The following ADCY10 variants were observed in gnomAD, a reference collection of about 807,000 sequenced individuals.
ADCY10 encodes the protein adenylate cyclase 10.
ADCY10 carries 156 observed loss-of-function variants against 183.3 expected under a neutral mutation model. That is an observed-to-expected ratio of 0.85 (90% CI 0.75 to 0.97). The LOEUF (loss-of-function observed/expected upper bound fraction) is 0.97, where lower values mean the gene tolerates loss of function less well. Ranked by LOEUF, ADCY10 falls within the 50% of genes least tolerant of loss-of-function variation. The pLI is 0.00. For synonymous variants in ADCY10, 645 were observed against 670.0 expected (o/e 0.96, Z 0.58); for missense variants, 1,745 against 1,934.3 (o/e 0.90, Z 1.84).
intron 14 of ADCY10, 81 bp downstream of exon 14, chr1:167,870,176 C>T: frequency 1.3e-6 from 2 of 1,495,226 alleles, no homozygotes; most frequent in Non-Finnish European, 1.9e-6. Flanking sequence ...TTACATAAGG[C>T]AAGTTATAGG....
At chr1:167,912,923 T>C (rs1288045332) in intron 1 of ADCY10, among the ~76,000 whole-genome samples, 1 of 152,250 alleles carries the variant, frequency 6.6e-6, no homozygotes, top group Non-Finnish European at 1.5e-5. Context: ...AAAGCTGGAA[T>C]ATCCAGGTCT....
At chr1:167,865,883 C>G (rs1284196045) in intron 14 of ADCY10, among the ~76,000 whole-genome samples, 1 of 152,190 alleles carries the variant, frequency 6.6e-6, no homozygotes, top group Non-Finnish European at 1.5e-5. Flanking sequence ...CATGGTAGCT[C>G]TTTTCCAGGA....
intron 15 of ADCY10, 58 bp downstream of exon 15, chr1:167,860,813 A>G: frequency 7.2e-7 from 1 of 1,395,186 alleles, no homozygotes; most frequent in Admixed American, 1.7e-5. Flanking sequence ...TGCACCAGAG[A>G]GGAGTTGCTG....
At chr1:167,836,195 G>C in intron 23 of ADCY10, 114 bp downstream of exon 23, 1 of 740,914 alleles carries the variant, frequency 1.3e-6, no homozygotes, top group Non-Finnish European at 2.5e-6. Flanking sequence ...GGAAAGGGGT[G>C]CTGTCGGGAA....
chr1:167,831,195 CT>C (rs1663702270), intron 25 of ADCY10, among the ~76,000 whole-genome samples: 1 of 147,528 alleles, frequency 6.8e-6, no homozygotes, highest in South Asian at 2.2e-4. Context: ...AAATCTCTCT[CT>C]CTTTTTTTTT....
intron 14 of ADCY10, among the ~76,000 whole-genome samples, chr1:167,862,607 C>A (rs1571333997): frequency 6.6e-6 from 1 of 152,000 alleles, no homozygotes; most frequent in African/African-American, 2.4e-5. Flanking sequence ...TTACAGAGGC[C>A]CCGGCTAGTG....
chr1:167,885,777 G>A (rs920757410), intron 8 of ADCY10, among the ~76,000 whole-genome samples: 1 of 152,048 alleles, frequency 6.6e-6, no homozygotes, highest in African/African-American at 2.4e-5. Context: ...ACTACGCCCA[G>A]CTAATTTTTT....
At chr1:167,888,493 T>C (rs1668377149) in intron 8 of ADCY10, among the ~76,000 whole-genome samples, 2 of 152,082 alleles carry the variant, frequency 1.3e-5, no homozygotes, top group Admixed American at 6.5e-5. Context: ...TTTGGTTAAT[T>C]ACTAGGTACT....
chr1:167,890,888 A>G (rs1333730439), intron 8 of ADCY10, among the ~76,000 whole-genome samples: 1 of 152,212 alleles, frequency 6.6e-6, no homozygotes, highest in African/African-American at 2.4e-5. Context: ...CAGCTTTCCC[A>G]AGGTCACATA....
At chr1:167,854,830 G>A (rs1285854824) in intron 17 of ADCY10, among the ~76,000 whole-genome samples, 1 of 152,084 alleles carries the variant, frequency 6.6e-6, no homozygotes, top group African/African-American at 2.4e-5. Context: ...AATTTAAACA[G>A]AGAGAGGGGG....
Position 167,878,649 on chromosome 1 carries a change from GAGAA to G in ADCY10, c.1217-18_1217-15del. 2.5e-6 allele frequency: 4 copies of G among 1,612,638 alleles called. No homozygotes were observed. Among genetic ancestry groups the G allele is most frequent in the Non-Finnish European group, 1.7e-6 (2 of 1,178,980 alleles). ...TTTGACCAATGACTATAGCAAGAAA[GAGAA>G]AGTCAAAGATCAGGGAAATAACAGG... On this transcript the variant is annotated splice_polypyrimidine_tract_variant and intron_variant, in intron 11 of 32. Transcript: ENST00000367851.
chr1:167,878,371 G>T, intron 12 of ADCY10, 75 bp downstream of exon 12: 1 of 1,515,450 alleles, frequency 6.6e-7, no homozygotes, highest in Non-Finnish European at 9.1e-7. Flanking sequence ...AATCTTAAAT[G>T]GGTGACTGCT....
intron 16 of ADCY10, among the ~76,000 whole-genome samples, chr1:167,859,517 T>A (rs1261778139): frequency 6.6e-6 from 1 of 152,194 alleles, no homozygotes; most frequent in Non-Finnish European, 1.5e-5. Flanking sequence ...AGCCTGCATA[T>A]GTAACCACTT....
chr1:167,832,069 G>A (rs1663776898), intron 25 of ADCY10, among the ~76,000 whole-genome samples: 1 of 152,072 alleles, frequency 6.6e-6, no homozygotes, highest in East Asian at 1.9e-4. Context: ...TGGAAGCTGG[G>A]GAAGGCAGTT....
chr1:167,829,805 A>T (rs951626476), intron 25 of ADCY10, among the ~76,000 whole-genome samples: 2 of 152,238 alleles, frequency 1.3e-5, no homozygotes, highest in African/African-American at 4.8e-5. Context: ...GGTGAGACTC[A>T]GGTTAAGTAA....
At chr1:167,904,081 G>GTT in intron 2 of ADCY10, 90 bp from the exon 3 acceptor site, 1 of 501,706 alleles carries the variant, frequency 2.0e-6, no homozygotes, top group Non-Finnish European at 3.4e-6. Context: ...GCGGGCCTCA[G>GTT]CTTTTTTTTT....
chr1:167,908,686 C>T (rs758135488), intron 1 of ADCY10, among the ~76,000 whole-genome samples: 8 of 151,996 alleles, frequency 5.3e-5, no homozygotes, highest in Non-Finnish European at 1.0e-4. Flanking sequence ...TCATTTTTGC[C>T]TTAATAAAGC....
At chr1:167,862,823 C>A (rs975391249) in intron 14 of ADCY10, among the ~76,000 whole-genome samples, 2 of 152,168 alleles carry the variant, frequency 1.3e-5, no homozygotes, top group Non-Finnish European at 1.5e-5. Flanking sequence ...TTTCCCCTCA[C>A]ACTGTTTAGG....
chr1:167,908,582 G>A (rs1006551393), intron 1 of ADCY10, among the ~76,000 whole-genome samples: 4 of 152,180 alleles, frequency 2.6e-5, no homozygotes, highest in African/African-American at 9.7e-5. Flanking sequence ...TTAAGTATGT[G>A]AGATGATACG....
Sources: gnomAD v4.1 joint callset for allele counts (sites outside exome capture counted in the v4.1 genomes callset) on GRCh38, gnomAD v4.1.1 for gene constraint, MANE v1.5 for transcripts, NCBI Gene and HGNC (gene_info 2026-07-23, HGNC 2026-07-21) for gene names.